Variants in CAST observed in about 807,000 individuals in gnomAD.
The protein encoded by CAST is calpastatin, also known as MIR583 host.
CAST carries 76 observed loss-of-function variants against 119.6 expected under a neutral mutation model. The observed-to-expected ratio is 0.64, with a 90% confidence interval of 0.53 to 0.77. CAST has a LOEUF of 0.77. CAST is among the 30% of genes least tolerant of loss of function. The pLI is 0.00. For missense variants in CAST, 953 were observed against 946.5 expected, an observed-to-expected ratio of 1.01 and a Z score of -0.09; for synonymous variants, 319 against 331.6, an observed-to-expected ratio of 0.96 and a Z score of 0.41.
In CAST at chr5:96,678,772, G is replaced by T. The variant is rs140352061; in HGVS notation, c.138+3171G>T. 2.9e-3 allele frequency among the ~76,000 whole-genome samples: 442 copies of T among 151,938 alleles called. 3 individuals are homozygous for T. Among genetic ancestry groups the T allele is most frequent in the African/African-American group, 0.01 (429 of 41,412 alleles). ...TGAGGCAGGAGAATCACTTGAACCCGGGAGGCAGAGGTTGCAGTGAGCCGA... is the reference window on the plus strand; with the variant it reads ...TGAGGCAGGAGAATCACTTGAACCCTGGAGGCAGAGGTTGCAGTGAGCCGA... On this transcript the variant is annotated intron_variant, in intron 2 of 31. Transcript: ENST00000675179.
At chr5:96,069,655 CT>C in the CAST span, among the ~76,000 whole-genome samples, 13,348 of 78,752 alleles carry the variant, frequency 0.17, 302 homozygotes, top group Non-Finnish European at 0.21. Flanking sequence ...GGTAATTAAA[CT>C]TTTTTTTTTT....
At chr5:96,366,587 A>G in the CAST span, among the ~76,000 whole-genome samples, 4 of 152,112 alleles carry the variant, frequency 2.6e-5, no homozygotes, top group South Asian at 4.1e-4. Flanking sequence ...TTGATCTTCA[A>G]TCACTGATAC....
At chr5:96,279,935 C>T in the CAST span, among the ~76,000 whole-genome samples, 1 of 152,226 alleles carries the variant, frequency 6.6e-6, no homozygotes, top group Non-Finnish European at 1.5e-5. Context: ...TCCAAGCACA[C>T]ACTGCACCAT....
the CAST span, among the ~76,000 whole-genome samples, chr5:96,297,372 T>C: frequency 6.6e-6 from 1 of 152,254 alleles, no homozygotes; most frequent in Non-Finnish European, 1.5e-5. Flanking sequence ...ATTTCTACTC[T>C]GAGTAAGGTT....
chr5:96,450,085 C>A, the CAST span, among the ~76,000 whole-genome samples: 1 of 152,174 alleles, frequency 6.6e-6, no homozygotes, highest in Non-Finnish European at 1.5e-5. Flanking sequence ...GAAAAGAAAT[C>A]ATTTTTATCA....
chr5:96,748,613 A>T lies in CAST; in HGVS notation c.1428A>T (p.Glu476Asp). 2 of 1,393,454 alleles carry T rather than the reference A, an allele frequency of 1.4e-6. No homozygotes were observed. The highest frequency in any genetic ancestry group is 2.0e-6 in the Non-Finnish European group (2 of 982,838). 86.3% of individuals were successfully genotyped at this position (1,393,454 alleles called of 1,614,324 possible). A position where few individuals can be genotyped will look rare whatever the true frequency, so the allele number is the denominator to read the frequency against. ...EKPSKPTEKT[E>D]ESKAAAPAPV... ...CATCTAAGCCAACTGAAAAGACAGA[A>T]GTATGTTTCTAAACATATAAATCTC... Residue 476 changes from glutamate (E) to aspartate (D), a missense_variant and splice_region_variant, in exon 19 of 32, where the codon GAA (glutamate) becomes GAT (aspartate). Transcript: ENST00000675179.
the CAST span, among the ~76,000 whole-genome samples, chr5:96,070,003 G>A: frequency 3.3e-5 from 5 of 152,058 alleles, no homozygotes; most frequent in African/African-American, 1.2e-4. Context: ...ATAAACCAGG[G>A]AAGTGTTGAG....
chr5:96,203,612 A>C, the CAST span, among the ~76,000 whole-genome samples: 4 of 152,038 alleles, frequency 2.6e-5, no homozygotes, highest in Non-Finnish European at 5.9e-5. Flanking sequence ...TCTTTATTTC[A>C]TTGTGATTTC....
At chr5:96,412,819 G>T in the CAST span, 2 of 320,042 alleles carry the variant, frequency 6.2e-6, no homozygotes, top group Non-Finnish European at 9.6e-6. Context: ...TCTGGGCATT[G>T]AGTCTGAAGT....
chr5:96,719,133 C>T (rs26515), intron 3 of CAST, among the ~76,000 whole-genome samples: 71,176 of 151,906 alleles, frequency 0.47, 17,204 homozygotes, highest in Non-Finnish European at 0.54. Flanking sequence ...GAGCCCGCAT[C>T]CTAGGAGCCC....
At chr5:95,964,393 T>A in the CAST span, among the ~76,000 whole-genome samples, 1 of 152,224 alleles carries the variant, frequency 6.6e-6, no homozygotes, top group Non-Finnish European at 1.5e-5. Flanking sequence ...AAGTATAACA[T>A]GCGGTAGAGG....
the CAST span, among the ~76,000 whole-genome samples, chr5:96,110,092 C>T: frequency 1.3e-5 from 2 of 152,158 alleles, no homozygotes; most frequent in Non-Finnish European, 1.5e-5. Context: ...GATACATCTC[C>T]AGTTCCCAAA....
chr5:96,563,862 T>C (rs1746425729), intron 1 of CAST, among the ~76,000 whole-genome samples: 1 of 152,226 alleles, frequency 6.6e-6, no homozygotes, highest in Non-Finnish European at 1.5e-5. Context: ...TGATCTGATC[T>C]GCAGATACAA....
At chr5:96,035,061 ATATT>A in the CAST span, among the ~76,000 whole-genome samples, 39 of 76,914 alleles carry the variant, frequency 5.1e-4, no homozygotes, top group South Asian at 7.3e-3. Flanking sequence ...ATATATATAT[ATATT>A]TAAGTATATA....
chr5:96,249,481 G>A, the CAST span, among the ~76,000 whole-genome samples: 1 of 152,178 alleles, frequency 6.6e-6, no homozygotes, highest in Non-Finnish European at 1.5e-5. Flanking sequence ...TCAATTTAAA[G>A]CATGTAGCTC....
chr5:96,216,483 A>T, the CAST span, among the ~76,000 whole-genome samples: 1 of 152,154 alleles, frequency 6.6e-6, no homozygotes. Context: ...CATGTCAATG[A>T]ACTTCCCATT....
chr5:96,203,241 C>T, the CAST span, among the ~76,000 whole-genome samples: 1 of 151,868 alleles, frequency 6.6e-6, no homozygotes, highest in Non-Finnish European at 1.5e-5. Flanking sequence ...ATTGTTTCAC[C>T]AGTCTTCTGT....
At chr5:96,198,447 G>A in the CAST span, among the ~76,000 whole-genome samples, 2 of 151,938 alleles carry the variant, frequency 1.3e-5, no homozygotes, top group Non-Finnish European at 2.9e-5. Context: ...CATTGTTTCT[G>A]AAGTGGGGAC....
the CAST span, among the ~76,000 whole-genome samples, chr5:96,145,681 A>G: frequency 1.3e-5 from 2 of 152,248 alleles, no homozygotes; most frequent in African/African-American, 4.8e-5. Context: ...TTCAAAAACA[A>G]TAAAAGTGAA....
Sources: gnomAD v4.1 joint callset for allele counts (sites outside exome capture counted in the v4.1 genomes callset) on GRCh38, gnomAD v4.1.1 for gene constraint, MANE v1.5 for transcripts, NCBI Gene and HGNC (gene_info 2026-07-23, HGNC 2026-07-21) for gene names.